Variants in TMEM117 observed in about 807,000 individuals in gnomAD.
The protein encoded by TMEM117 is transmembrane protein 117.
A neutral mutation model predicts 52.4 loss-of-function variants in TMEM117; 27 were observed. That is an observed-to-expected ratio of 0.51 (90% confidence interval 0.38 to 0.71). The LOEUF is 0.71. Ranked by LOEUF, TMEM117 falls within the 30% of genes least tolerant of loss-of-function variation. The probability of loss-of-function intolerance (pLI) is 0.00; values close to 1 mark genes in which losing one functional copy is unlikely to be tolerated. For synonymous variants in TMEM117, 215 were observed against 206.3 expected, an observed-to-expected ratio of 1.04 and a Z score of -0.36; for missense variants, 556 against 630.5, an observed-to-expected ratio of 0.88 and a Z score of 1.26.
chr12:44,101,626 A>G (rs548117041), intron 3 of TMEM117, among the ~76,000 whole-genome samples: 1 of 152,058 alleles, frequency 6.6e-6, no homozygotes, highest in East Asian at 1.9e-4. Flanking sequence ...CTGGTCTTTC[A>G]CTAGATTACT....
At chr12:44,197,210 G>A (rs1336868553) in intron 4 of TMEM117, among the ~76,000 whole-genome samples, 2 of 152,046 alleles carry the variant, frequency 1.3e-5, no homozygotes, top group South Asian at 2.1e-4. Context: ...TTGCTTTTTT[G>A]TGTGTTCCAA....
intron 7 of TMEM117, among the ~76,000 whole-genome samples, chr12:44,381,347 T>C (rs1952017474): frequency 1.3e-5 from 2 of 152,182 alleles, no homozygotes; most frequent in Admixed American, 1.3e-4. Context: ...CCCCTTTACC[T>C]GTAAGGTAAG....
At chr12:44,202,378 G>T (rs1949507248) in intron 4 of TMEM117, among the ~76,000 whole-genome samples, 1 of 149,990 alleles carries the variant, frequency 6.7e-6, no homozygotes, top group Non-Finnish European at 1.5e-5. Context: ...AGCCATTTCT[G>T]CATCTATTAA....
rs1948109887 is a variant in TMEM117, at chr12:44,114,851, T to G, written c.411-28674T>G. ...TATAAAAATGCTACTACTTCCACAT[T>G]TCCTGTATGTGGACTCTATTCTAGA... On this transcript the variant is annotated intron_variant, in intron 3 of 7. Transcript: ENST00000266534. 2.6e-5 allele frequency among the ~76,000 whole-genome samples: 4 copies of G among 152,344 alleles called. No homozygotes were observed. The South Asian group carries it at 8.3e-4, about 32-fold the overall frequency.
Position 43,955,449 on chromosome 12 carries a change from G to C in TMEM117, c.410+11107G>C, listed in dbSNP as rs140401754. Among the ~76,000 whole-genome samples, 36 of 152,302 alleles carry C rather than the reference G, an allele frequency of 2.4e-4. 1 individual carries two copies. Among genetic ancestry groups the C allele is most frequent in the African/African-American group, 8.2e-4 (34 of 41,562 alleles). On this transcript the variant is annotated intron_variant, in intron 3 of 7. Coordinates refer to ENST00000266534, the MANE Select transcript of TMEM117 (RefSeq NM_032256.3). Reference sequence around the variant, plus strand: ...GATAAACAACTTTAGTGAAGTATCAGGATACAAAGTTAATTTGCAGAAATC... The same window carrying C: ...GATAAACAACTTTAGTGAAGTATCACGATACAAAGTTAATTTGCAGAAATC...
intron 3 of TMEM117, among the ~76,000 whole-genome samples, chr12:44,137,336 A>C (rs1383819683): frequency 6.6e-6 from 1 of 152,122 alleles, no homozygotes; most frequent in Non-Finnish European, 1.5e-5. Context: ...GGCATGGGAC[A>C]ATAAAGAGAG....
intron 6 of TMEM117, among the ~76,000 whole-genome samples, chr12:44,328,819 T>C (rs1373991242): frequency 6.6e-6 from 1 of 152,052 alleles, no homozygotes; most frequent in Non-Finnish European, 1.5e-5. Flanking sequence ...TTCTTAAATA[T>C]AGATTTTATC....
intron 2 of TMEM117, among the ~76,000 whole-genome samples, chr12:43,892,693 A>G (rs548890699): frequency 1.3e-5 from 2 of 152,324 alleles, no homozygotes; most frequent in Admixed American, 6.5e-5. Context: ...GAAATCTGCA[A>G]TGTATCAGCC....
chr12:44,237,402 C>A (rs7979143), intron 5 of TMEM117, among the ~76,000 whole-genome samples: 2,635 of 152,082 alleles, frequency 0.017, 61 homozygotes, highest in East Asian at 0.056. Context: ...ATATACCCCC[C>A]ATTAGTCTGC....
chr12:44,380,640 C>T (rs1358645899), intron 7 of TMEM117, among the ~76,000 whole-genome samples: 1 of 152,184 alleles, frequency 6.6e-6, no homozygotes, highest in African/African-American at 2.4e-5. Flanking sequence ...AGTAATAATA[C>T]TTATCCCATA....
chr12:44,068,417 G>A, intron 3 of TMEM117, among the ~76,000 whole-genome samples: 1 of 152,150 alleles, frequency 6.6e-6, no homozygotes, highest in Non-Finnish European at 1.5e-5. Context: ...TTGATTTAAA[G>A]TAAGAGATGT....
intron 3 of TMEM117, among the ~76,000 whole-genome samples, chr12:44,127,430 A>G (rs1948343996): frequency 6.6e-6 from 1 of 152,120 alleles, no homozygotes; most frequent in Non-Finnish European, 1.5e-5. Flanking sequence ...TTACACCAGA[A>G]CTTTGGGAGG....
At chr12:43,798,041 C>G in the TMEM117 span, among the ~76,000 whole-genome samples, 1 of 152,078 alleles carries the variant, frequency 6.6e-6, no homozygotes, top group African/African-American at 2.4e-5. Context: ...TGGAAGTGAA[C>G]ATTTGAATGA....
chr12:43,909,403 C>G (rs1435238679), intron 2 of TMEM117, among the ~76,000 whole-genome samples: 1 of 88,826 alleles, frequency 1.1e-5, no homozygotes, highest in African/African-American at 3.1e-5. Flanking sequence ...CAGGAAAGAT[C>G]CAAAATTGAC....
At chr12:44,015,532 A>G (rs1946361416) in intron 3 of TMEM117, among the ~76,000 whole-genome samples, 1 of 152,176 alleles carries the variant, frequency 6.6e-6, no homozygotes, top group Non-Finnish European at 1.5e-5. Context: ...TAAAATCGCT[A>G]GAGGGCACTG....
intron 3 of TMEM117, among the ~76,000 whole-genome samples, chr12:43,990,764 G>A (rs1020947010): frequency 6.6e-6 from 1 of 151,992 alleles, no homozygotes; most frequent in Admixed American, 6.6e-5. Flanking sequence ...AGCTGAGAGA[G>A]GCATAAGAGA....
chr12:44,311,354 A>G (rs1950972637), intron 6 of TMEM117, among the ~76,000 whole-genome samples: 2 of 152,188 alleles, frequency 1.3e-5, no homozygotes, highest in Admixed American at 1.3e-4. Flanking sequence ...TCTCAGTTTT[A>G]TAACAAAATA....
At chr12:43,801,891 G>T in the TMEM117 span, among the ~76,000 whole-genome samples, 1 of 152,148 alleles carries the variant, frequency 6.6e-6, no homozygotes, top group Non-Finnish European at 1.5e-5. Context: ...TTAGCTGGGC[G>T]TGGTGGCACA....
Position 44,383,095 on chromosome 12 carries a change from G to A in TMEM117, c.899-4931G>A, listed in dbSNP as rs543033636. On this transcript the variant is annotated intron_variant, in intron 7 of 7. Transcript: ENST00000266534. ...TGGTTGCTGAATGACTTTGGGGAGC[G>A]TAACCACATCCATACACCTGCACTA... Among the ~76,000 whole-genome samples, 14 of 152,212 alleles carry A rather than the reference G, an allele frequency of 9.2e-5. No homozygotes were observed. The East Asian group carries it at 9.7e-4, about 10-fold the overall frequency.
Sources: gnomAD v4.1 joint callset for allele counts (sites outside exome capture counted in the v4.1 genomes callset) on GRCh38, gnomAD v4.1.1 for gene constraint, MANE v1.5 for transcripts, NCBI Gene and HGNC (gene_info 2026-07-23, HGNC 2026-07-21) for gene names.